Variants in TNS3 observed in about 807,000 individuals in gnomAD.
TNS3 encodes the protein tensin-3.
TNS3 carries 45 observed loss-of-function variants against 140.9 expected under a neutral mutation model. The ratio of observed to expected loss-of-function variants is 0.32; its 90% CI spans 0.25 to 0.41. The LOEUF is 0.41. Ranked by LOEUF, TNS3 falls within the 10% of genes least tolerant of loss-of-function variation. The pLI, the probability that TNS3 is intolerant of heterozygous loss-of-function variation, is 1.00. For missense variants in TNS3, 1,716 were observed against 1,906.7 expected (o/e 0.90, Z 1.86); for synonymous variants, 815 against 788.4 (o/e 1.03, Z -0.56).
intron 20 of TNS3, among the ~76,000 whole-genome samples, chr7:47,330,159 G>A (rs1788254967): frequency 6.6e-6 from 1 of 152,062 alleles, no homozygotes; most frequent in Non-Finnish European, 1.5e-5. Flanking sequence ...GGGACGACAG[G>A]ACCTGGACTG....
At position 47,277,198 on chromosome 7, in the gene TNS3, A is replaced by G. The variant is rs1354003357; in HGVS notation, c.*878T>C. On this transcript the variant is annotated 3_prime_UTR_variant, in exon 31 of 31. Coordinates refer to ENST00000311160, the MANE Select transcript of TNS3 (RefSeq NM_022748.12). ...CCTACATAGGGACAAGCCTCACAAA[A>G]TCACAGCTTGGCAGGCTGCAGCATT... is the stretch of plus-strand genomic sequence containing the variant. 2 of 152,334 alleles carry G rather than the reference A, an allele frequency of 1.3e-5. No individual in the cohort carries two copies. The highest frequency in any genetic ancestry group is 2.9e-5 in the Non-Finnish European group (2 of 68,134). 9.4% of individuals were successfully genotyped at this position (152,334 alleles called of 1,614,324 possible).
intron 17 of TNS3, among the ~76,000 whole-genome samples, chr7:47,351,266 TC>T (rs1312816544): frequency 1.3e-5 from 2 of 152,202 alleles, no homozygotes; most frequent in Admixed American, 1.3e-4. Context: ...CTGATAAATC[TC>T]CCATGTCTGA....
chr7:47,549,247 C>T (rs1460639312), intron 1 of TNS3, among the ~76,000 whole-genome samples: 1 of 152,190 alleles, frequency 6.6e-6, no homozygotes, highest in African/African-American at 2.4e-5. Flanking sequence ...AATCCCAGCA[C>T]TTTGGGAGGC....
intron 13 of TNS3, among the ~76,000 whole-genome samples, chr7:47,406,162 G>C (rs1372594036): frequency 6.6e-6 from 1 of 152,176 alleles, no homozygotes; most frequent in Non-Finnish European, 1.5e-5. Flanking sequence ...CCTTTTGAAA[G>C]GAGCAGACTT....
intron 2 of TNS3, among the ~76,000 whole-genome samples, chr7:47,522,513 G>A (rs1200977683): frequency 3.3e-5 from 5 of 152,176 alleles, no homozygotes; most frequent in Non-Finnish European, 7.3e-5. Context: ...CTCAGGCTTG[G>A]GAGCATCCCT....
intron 20 of TNS3, among the ~76,000 whole-genome samples, chr7:47,306,776 ATC>A (rs1786783526): frequency 6.6e-6 from 1 of 152,108 alleles, no homozygotes; most frequent in African/African-American, 2.4e-5. Context: ...ACGGGGTTTC[ATC>A]ATGTTAGCAA....
chr7:47,530,838 A>AAAATATATATATATATATATAT, intron 1 of TNS3, among the ~76,000 whole-genome samples: 7 of 54,548 alleles, frequency 1.3e-4, no homozygotes, highest in South Asian at 8.9e-4. Context: ...AAAAAAAAAA[A>AAAATATATATATATATATATAT]ATATATATAT....
chr7:47,370,084 T>C (rs538390622), intron 16 of TNS3, among the ~76,000 whole-genome samples: 6 of 152,258 alleles, frequency 3.9e-5, no homozygotes, highest in Non-Finnish European at 7.4e-5. Flanking sequence ...TCCTACTAAA[T>C]TGAATGTCTT....
intron 13 of TNS3, among the ~76,000 whole-genome samples, chr7:47,404,159 C>T (rs1048810996): frequency 2.0e-5 from 3 of 152,200 alleles, no homozygotes; most frequent in African/African-American, 7.2e-5. Flanking sequence ...AAATAGCAAG[C>T]ACCACAACAA....
chr7:47,423,593 A>C (rs1794492721), intron 10 of TNS3, among the ~76,000 whole-genome samples: 1 of 152,264 alleles, frequency 6.6e-6, no homozygotes, highest in Non-Finnish European at 1.5e-5. Context: ...GCCAAGTGCA[A>C]CTGCTAATGT....
At chr7:47,359,708 T>C (rs557175255) in intron 17 of TNS3, among the ~76,000 whole-genome samples, 3 of 152,190 alleles carry the variant, frequency 2.0e-5, no homozygotes, top group Non-Finnish European at 4.4e-5. Flanking sequence ...TTGACATGAG[T>C]GTTAGGGTGT....
chr7:47,498,860 T>C (rs540171175), intron 3 of TNS3, among the ~76,000 whole-genome samples: 1 of 152,086 alleles, frequency 6.6e-6, no homozygotes, highest in Non-Finnish European at 1.5e-5. Context: ...GCCAGCAGGG[T>C]CACCATAAAG....
chr7:47,460,030 G>C (rs1421947855), intron 4 of TNS3, among the ~76,000 whole-genome samples: 1 of 151,906 alleles, frequency 6.6e-6, no homozygotes, highest in Non-Finnish European at 1.5e-5. Context: ...TGGCTAACAC[G>C]GTGAAACCTC....
intron 3 of TNS3, among the ~76,000 whole-genome samples, chr7:47,485,923 T>C (rs1435377259): frequency 6.6e-6 from 1 of 151,772 alleles, no homozygotes; most frequent in East Asian, 1.9e-4. Flanking sequence ...GGAATGTGAG[T>C]GTGTGGGTGA....
chr7:47,303,067 C>T lies in TNS3; in HGVS notation c.3340G>A (p.Val1114Ile). The change falls in exon 22 of 31, where the codon GTC becomes ATC. Residue 1114 changes from valine (V) to isoleucine (I), a missense_variant. Coordinates refer to ENST00000311160, the MANE Select transcript of TNS3 (RefSeq NM_022748.12). Reference protein sequence around the residue: ...ASEGDRSLGSVSPSSSGFSSP... With the variant: ...ASEGDRSLGSISPSSSGFSSP... ...GAGAAGCCACTGGAGGAGGGAGAGA[C>T]TGAGCCCAAAGAACGATCCCCCTCC... 1.2e-6 allele frequency: 2 copies of T among 1,614,226 alleles called. No individual in the cohort carries two copies. The highest frequency in any genetic ancestry group is 1.7e-6 in the Non-Finnish European group (2 of 1,180,038).
intron 20 of TNS3, among the ~76,000 whole-genome samples, chr7:47,309,032 G>A (rs1049321475): frequency 5.3e-5 from 8 of 152,170 alleles, no homozygotes; most frequent in African/African-American, 1.7e-4. Context: ...CAGATTCTGC[G>A]TGAGTTTCCT....
chr7:47,327,639 C>G (rs1319321558), intron 20 of TNS3, among the ~76,000 whole-genome samples: 1 of 152,236 alleles, frequency 6.6e-6, no homozygotes, highest in East Asian at 1.9e-4. Flanking sequence ...CTGAGTGAAT[C>G]TCAGCAAAGA....
Position 47,488,498 on chromosome 7 carries a change from C to T in TNS3, c.-114-7357G>A, listed in dbSNP as rs187200257. Among the ~76,000 whole-genome samples, 21 of 152,296 alleles carry T rather than the reference C, an allele frequency of 1.4e-4. No individual in the cohort carries two copies. The East Asian group carries it at 3.3e-3, about 24-fold the overall frequency. ...GGCCTGCAGATGGCCACCTTCTCCC[C>T]GTGTCCTCACGTGGCCATTCCTTGT... is the stretch of plus-strand genomic sequence containing the variant. On this transcript the variant is annotated intron_variant, in intron 3 of 30. Transcript: ENST00000311160.
intron 17 of TNS3, among the ~76,000 whole-genome samples, chr7:47,361,300 C>G (rs1467302689): frequency 2.0e-5 from 3 of 151,840 alleles, no homozygotes; most frequent in Non-Finnish European, 4.4e-5. Context: ...GGCCCCCATC[C>G]TGGCCCTCCA....
Sources: allele counts gnomAD v4.1 joint callset (sites outside exome capture counted in the v4.1 genomes callset), GRCh38; gene constraint gnomAD v4.1.1; transcripts MANE v1.5; gene names NCBI Gene and HGNC (gene_info 2026-07-23, HGNC 2026-07-21).